ELP2: variants seen among roughly 807,000 people sequenced by gnomAD.
The protein encoded by ELP2 is elongator acetyltransferase complex subunit 2.
In ELP2, 90 loss-of-function variants were observed where a neutral mutation model predicts 119.2. That is an observed-to-expected ratio of 0.75 (90% CI 0.64 to 0.90). The LOEUF is 0.90. ELP2 is among the 40% of genes least tolerant of loss of function. ELP2 has a pLI of 0.00. For synonymous variants in ELP2, 339 were observed against 331.0 expected (o/e 1.02, Z -0.26); for missense variants, 921 against 967.8 (o/e 0.95, Z 0.64).
intron 2 of ELP2, among the ~76,000 whole-genome samples, chr18:36,134,093 G>A (rs1385278148): frequency 6.6e-6 from 1 of 151,690 alleles, no homozygotes; most frequent in Non-Finnish European, 1.5e-5. Context: ...GCCTCCCAAA[G>A]TGCTGGGATT....
chr18:36,138,524 G>A, intron 4 of ELP2, 98 bp downstream of exon 4: 1 of 1,343,820 alleles, frequency 7.4e-7, no homozygotes, highest in Non-Finnish European at 1.0e-6. Context: ...CAACTTTGGA[G>A]CAACTTTAAA....
intron 11 of ELP2, 147 bp downstream of exon 11, chr18:36,146,528 G>A: frequency 1.2e-6 from 1 of 838,270 alleles, no homozygotes; most frequent in Non-Finnish European, 1.9e-6. Context: ...ACATTGTTAA[G>A]GTATTGAAAT....
At chr18:36,136,595 T>A in intron 3 of ELP2, 2 of 548,794 alleles carry the variant, frequency 3.6e-6, no homozygotes, top group Middle Eastern at 1.0e-3. Flanking sequence ...CTTACTTTGT[T>A]GCCCAGGCTG....
chr18:36,166,592 A>G (rs2090916484), intron 18 of ELP2, among the ~76,000 whole-genome samples: 1 of 151,970 alleles, frequency 6.6e-6, no homozygotes, highest in African/African-American at 2.4e-5. Context: ...TCTGCCTCCC[A>G]AAAGTGTGGG....
intron 19 of ELP2, among the ~76,000 whole-genome samples, chr18:36,167,932 C>G (rs1486243259): frequency 1.3e-5 from 2 of 152,182 alleles, no homozygotes; most frequent in East Asian, 1.9e-4. Flanking sequence ...CCACTTTGGC[C>G]TCCCAAAGTG....
Position 36,174,531 on chromosome 18 carries a change from A to G in ELP2, c.2371A>G (p.Ser791Gly). ...AIRKLCWKNC[S>G]GKTEQKEAEG... ...CAGAAAATTATGCTGGAAGAATTGCAGTGGAAAAACTGAACAGAAGGAAGC... is the reference window on the plus strand; with the variant it reads ...CAGAAAATTATGCTGGAAGAATTGCGGTGGAAAAACTGAACAGAAGGAAGC... The change falls in exon 22 of 22, where the codon AGT becomes GGT. Residue 791 changes from serine to glycine, a missense_variant. Coordinates refer to ENST00000358232, the MANE Select transcript of ELP2 (RefSeq NM_018255.4). The G allele has an allele frequency of 6.2e-7, 1 of 1,614,188 alleles. No homozygotes were observed. Among genetic ancestry groups the G allele is most frequent in the Non-Finnish European group, 8.5e-7 (1 of 1,180,020 alleles).
chr18:36,138,708 T>C (rs1279748823), intron 4 of ELP2, 87 bp from the exon 5 acceptor site: 1 of 1,137,864 alleles, frequency 8.8e-7, no homozygotes, highest in Non-Finnish European at 1.3e-6. Flanking sequence ...TTCTGCTACC[T>C]GGGGCTGTGA....
chr18:36,134,882 A>T (rs1376088485), intron 2 of ELP2, among the ~76,000 whole-genome samples: 1 of 152,118 alleles, frequency 6.6e-6, no homozygotes, highest in Non-Finnish European at 1.5e-5. Context: ...TTCATTACAC[A>T]CTCATTTGAG....
intron 21 of ELP2, among the ~76,000 whole-genome samples, chr18:36,171,524 G>A (rs907749853): frequency 2.0e-5 from 3 of 152,052 alleles, no homozygotes; most frequent in Non-Finnish European, 2.9e-5. Flanking sequence ...TTTGGTAGTC[G>A]TATCCTTATG....
chr18:36,166,655 A>T lies in ELP2; in HGVS notation c.1955-446A>T, dbSNP rs956195447. 3.9e-5 allele frequency among the ~76,000 whole-genome samples: 6 copies of T among 152,312 alleles called. No individual in the cohort carries two copies. In the East Asian group the frequency reaches 1.2e-3, roughly 29 times the overall value. On this transcript the variant is annotated intron_variant, in intron 18 of 21. Coordinates refer to ENST00000358232, the MANE Select transcript of ELP2 (RefSeq NM_018255.4). Reference sequence around the variant, plus strand: ...GCCAACAGTTAGGTGTGTTAGGTTTAGTCCATATAAGGGCTAGAACTTCCC... The same window carrying T: ...GCCAACAGTTAGGTGTGTTAGGTTTTGTCCATATAAGGGCTAGAACTTCCC...
chr18:36,142,392 T>C (rs756868140), intron 7 of ELP2, 45 bp downstream of exon 7: 5 of 1,463,696 alleles, frequency 3.4e-6, no homozygotes, highest in East Asian at 4.5e-5. Context: ...GGAACAAATA[T>C]GTGTTACTTC....
intron 21 of ELP2, among the ~76,000 whole-genome samples, chr18:36,171,839 C>T (rs759773954): frequency 6.6e-6 from 1 of 152,226 alleles, no homozygotes; most frequent in Non-Finnish European, 1.5e-5. Flanking sequence ...ACCTCAGCCT[C>T]CCAAATAGCT....
intron 11 of ELP2, 88 bp downstream of exon 11, chr18:36,146,469 A>C: frequency 7.1e-7 from 1 of 1,416,280 alleles, no homozygotes; most frequent in Non-Finnish European, 9.9e-7. Flanking sequence ...ACTCTACAGA[A>C]ACATAGTAGA....
intron 19 of ELP2, among the ~76,000 whole-genome samples, chr18:36,167,980 G>C (rs1275620146): frequency 6.6e-6 from 1 of 152,214 alleles, no homozygotes; most frequent in Non-Finnish European, 1.5e-5. Flanking sequence ...CCCAGCCTCA[G>C]AGTATGTTCT....
At chr18:36,165,034 T>C in intron 18 of ELP2, 1 of 248,010 alleles carries the variant, frequency 4.0e-6, no homozygotes, top group Non-Finnish European at 8.0e-6. Context: ...GGGACAGGAA[T>C]AATGAAGATA....
At chr18:36,169,955 A>G (rs2091027786) in intron 19 of ELP2, 108 bp from the exon 20 acceptor site, 1 of 1,446,646 alleles carries the variant, frequency 6.9e-7, no homozygotes, top group Non-Finnish European at 9.6e-7. Flanking sequence ...TGCATTTTTT[A>G]AAATACCAGA....
chr18:36,138,140 C>CT, intron 3 of ELP2, 130 bp from the exon 4 acceptor site: 1 of 846,918 alleles, frequency 1.2e-6, no homozygotes, highest in Middle Eastern at 3.5e-4. Context: ...AGACAGACTT[C>CT]TTGAAAAATT....
intron 18 of ELP2, among the ~76,000 whole-genome samples, chr18:36,166,615 G>T (rs2090917375): frequency 6.6e-6 from 1 of 152,146 alleles, no homozygotes; most frequent in African/African-American, 2.4e-5. Context: ...TTACAGGCGT[G>T]AGCCACCATG....
In ELP2 at chr18:36,157,791, T is replaced by C. The variant is rs77100060; in HGVS notation, c.1465-1044T>C. On this transcript the variant is annotated intron_variant, in intron 13 of 21. Coordinates refer to ENST00000358232, the MANE Select transcript of ELP2 (RefSeq NM_018255.4). ...CTGTTATGCTTGTTTCTAATAATAA[T>C]GGACAATAGGAACAAGATCAAAAGG... 2.4e-4 allele frequency among the ~76,000 whole-genome samples: 37 copies of C among 152,302 alleles called. 1 individual carries two copies. In the East Asian group the frequency reaches 6.7e-3, roughly 28 times the overall value.
Sources: allele counts gnomAD v4.1 joint callset (sites outside exome capture counted in the v4.1 genomes callset), GRCh38; gene constraint gnomAD v4.1.1; transcripts MANE v1.5; gene names NCBI Gene and HGNC (gene_info 2026-07-23, HGNC 2026-07-21).